Variants in CRMP1 observed in about 807,000 individuals in gnomAD.
The protein encoded by CRMP1 is dihydropyrimidinase-related protein 1.
A neutral mutation model predicts 68.3 loss-of-function variants in CRMP1; 19 were observed. The ratio of observed to expected loss-of-function variants is 0.28; its 90% CI spans 0.19 to 0.41. CRMP1 has a LOEUF of 0.41. Ranked by LOEUF, CRMP1 falls within the 10% of genes least tolerant of loss-of-function variation. The pLI, the probability that CRMP1 is intolerant of heterozygous loss-of-function variation, is 1.00. For synonymous variants in CRMP1, 439 were observed against 399.6 expected, an observed-to-expected ratio of 1.10 and a Z score of -1.18; for missense variants, 791 against 967.4, an observed-to-expected ratio of 0.82 and a Z score of 2.42.
chr4:5,838,044 C>T lies in CRMP1; in HGVS notation c.1311-1138G>A, dbSNP rs941864679. Among the ~76,000 whole-genome samples, 2 of 152,148 alleles carry T rather than the reference C, an allele frequency of 1.3e-5. No individual in the cohort carries two copies. The highest frequency in any genetic ancestry group is 1.5e-5 in the Non-Finnish European group (1 of 68,030). Reference sequence around the variant, plus strand: ...TCAACCAAAGCAGGTGGGGATGAGGCGTGCTGGGGACAGGCTGGAGATGCC... The same window carrying T: ...TCAACCAAAGCAGGTGGGGATGAGGTGTGCTGGGGACAGGCTGGAGATGCC... On this transcript the variant is annotated intron_variant, in intron 9 of 13. Coordinates refer to ENST00000324989, the MANE Select transcript of CRMP1 (RefSeq NM_001014809.3). The surrounding 1 kb of genome is among the most constrained non-coding windows in gnomAD (Gnocchi z 4.9).
intron 1 of CRMP1, among the ~76,000 whole-genome samples, chr4:5,885,480 C>T (rs1238630348): frequency 6.6e-6 from 1 of 152,200 alleles, no homozygotes; most frequent in African/African-American, 2.4e-5. Context: ...TCAGAAACAT[C>T]TCAACTGCCT....
rs1260967574 is a variant in CRMP1 at position 5,842,256 on chromosome 4, C to G, written c.1033-828G>C. ...CTGTCTCAAAAACAAACAAAACAAA[C>G]AAACAAAAAACACAAATTAGCCAGG... On this transcript the variant is annotated intron_variant, in intron 7 of 13. Coordinates refer to ENST00000324989, the MANE Select transcript of CRMP1 (RefSeq NM_001014809.3). This position sits in a 1 kb window ranked among gnomAD's most constrained non-coding sequence, Gnocchi z 4.5. Among the ~76,000 whole-genome samples the G allele has an allele frequency of 6.6e-6, 1 of 151,202 alleles. No individual in the cohort carries two copies. The highest frequency in any genetic ancestry group is 2.4e-5 in the African/African-American group (1 of 41,202).
intron 12 of CRMP1, chr4:5,826,359 G>C (rs766741363): frequency 5.2e-5 from 8 of 152,926 alleles, no homozygotes; most frequent in African/African-American, 1.4e-4. Flanking sequence ...AAAGGGGGAA[G>C]GAGTGGGGAG....
In CRMP1 at chr4:5,892,038, T is replaced by TC. The variant is rs961395030; in HGVS notation, c.381+550dup. On this transcript the variant is annotated intron_variant, in intron 1 of 13. Coordinates refer to ENST00000324989, the MANE Select transcript of CRMP1 (RefSeq NM_001014809.3). This position sits in a 1 kb window ranked among gnomAD's most constrained non-coding sequence, Gnocchi z 8.6. ...CGAACTAAATCCTTAACCAAATCCTTCCCCCCAGCAAGCATGAGGGGAGCG... is the reference window on the plus strand; with the variant it reads ...CGAACTAAATCCTTAACCAAATCCTTCCCCCCCAGCAAGCATGAGGGGAGCG... 6.6e-6 allele frequency among the ~76,000 whole-genome samples: 1 copy of TC among 151,394 alleles called. No homozygotes were observed. Among genetic ancestry groups the TC allele is most frequent in the Non-Finnish European group, 1.5e-5 (1 of 67,866 alleles).
rs372394118 is a variant in CRMP1, at chr4:5,860,626, A to T, written c.655+400T>A. Among the ~76,000 whole-genome samples, 1,486 of 103,100 alleles carry T rather than the reference A, an allele frequency of 0.014. 21 individuals carry two copies. The highest frequency in any genetic ancestry group is 0.045 in the African/African-American group (1,399 of 31,368). The allele number at this position is 103,100 out of a possible 152,430, so 67.6% of individuals were successfully genotyped here. A position where few individuals can be genotyped will look rare whatever the true frequency, so the allele number is the denominator to read the frequency against. On this transcript the variant is annotated intron_variant, in intron 3 of 13. Transcript: ENST00000324989. The surrounding 1 kb of genome is among the most constrained non-coding windows in gnomAD (Gnocchi z 4.2). Reference sequence around the variant, plus strand: ...CATAGCCATCTTCACATCATGTTGAAGGATTTTTTTTTTTTTTGCTTTATC... The same window carrying T: ...CATAGCCATCTTCACATCATGTTGATGGATTTTTTTTTTTTTTGCTTTATC...
Position 5,844,086 on chromosome 4 carries a change from AC to A in CRMP1, c.964-926del, listed in dbSNP as rs554128220. ...CCCGTCATGAACCCTGGGCCTCATCACCCATGAAAAGAAATCACAATCTCAA... is the reference window on the plus strand; with the variant it reads ...CCCGTCATGAACCCTGGGCCTCATCACCATGAAAAGAAATCACAATCTCAA... On this transcript the variant is annotated intron_variant, in intron 6 of 13. Transcript: ENST00000324989. Among the ~76,000 whole-genome samples, 343 of 152,222 alleles carry A rather than the reference AC, an allele frequency of 2.3e-3. 4 individuals are homozygous for A. Among genetic ancestry groups the A allele is most frequent in the African/African-American group, 7.8e-3 (325 of 41,528 alleles).
chr4:5,869,681 CAAA>C (rs33973891), intron 1 of CRMP1, among the ~76,000 whole-genome samples: 19 of 92,908 alleles, frequency 2.0e-4, no homozygotes, highest in Admixed American at 3.8e-4. Flanking sequence ...AAGACTCCGT[CAAA>C]AAAAAAAAAA....
chr4:5,825,279 C>G lies in CRMP1; in HGVS notation c.1969+215G>C. On this transcript the variant is annotated intron_variant, in intron 13 of 13. Transcript: ENST00000324989. The surrounding 1 kb of genome is among the most constrained non-coding windows in gnomAD (Gnocchi z 4.4). ...CTTTGTAAACCCACATCAGGTACCA[C>G]CATGTTGCCCCCCTAACATGGACCC... is the stretch of plus-strand genomic sequence containing the variant. 1 of 985,296 alleles carries G rather than the reference C, an allele frequency of 1.0e-6. No individual in the cohort carries two copies. The highest frequency in any genetic ancestry group is 1.2e-6 in the Non-Finnish European group (1 of 829,934). 61.0% of individuals were successfully genotyped at this position (985,296 alleles called of 1,614,324 possible).
In CRMP1 at chr4:5,850,952, T is replaced by C. The variant is rs1257245266; in HGVS notation, c.882+456A>G. On this transcript the variant is annotated intron_variant, in intron 5 of 13. Transcript: ENST00000324989. The surrounding 1 kb of genome is among the most constrained non-coding windows in gnomAD (Gnocchi z 4.4). ...GTTCCATCTTACAAATGTGAGGAGA[T>C]GACTTGCCCAGCATGTTGCAGTTGC... 1.3e-5 allele frequency among the ~76,000 whole-genome samples: 2 copies of C among 152,206 alleles called. No homozygotes were observed. The highest frequency in any genetic ancestry group is 2.1e-4 in the South Asian group (1 of 4,828).
chr4:5,843,601 A>G lies in CRMP1; in HGVS notation c.964-440T>C, dbSNP rs959177544. Reference sequence around the variant, plus strand: ...AAAGATCCCGAAACTGGGAGTCCAGATCCAGAACAGCCGTCTCTGTGACTT... The same window carrying G: ...AAAGATCCCGAAACTGGGAGTCCAGGTCCAGAACAGCCGTCTCTGTGACTT... On this transcript the variant is annotated intron_variant, in intron 6 of 13. Transcript: ENST00000324989. This position sits in a 1 kb window ranked among gnomAD's most constrained non-coding sequence, Gnocchi z 4.1. Among the ~76,000 whole-genome samples the G allele has an allele frequency of 6.6e-6, 1 of 152,130 alleles. No individual in the cohort carries two copies. Among genetic ancestry groups the G allele is most frequent in the Non-Finnish European group, 1.5e-5 (1 of 68,026 alleles).
At chr4:5,831,721 G>A (rs73206297) in intron 11 of CRMP1, among the ~76,000 whole-genome samples, 2,113 of 152,226 alleles carry the variant, frequency 0.014, 26 homozygotes, top group South Asian at 0.04. Flanking sequence ...GGAGGCCCTG[G>A]TCATATCACA....
At chr4:5,874,959 A>T (rs1714710763) in intron 1 of CRMP1, among the ~76,000 whole-genome samples, 1 of 152,226 alleles carries the variant, frequency 6.6e-6, no homozygotes, top group Admixed American at 6.5e-5. Flanking sequence ...GCTGGGCTGC[A>T]TTCCTGTCTC....
Position 5,821,701 on chromosome 4 carries a change from G to T in CRMP1, c.*59C>A. 1 of 1,489,870 alleles carries T rather than the reference G, an allele frequency of 6.7e-7. No individual in the cohort carries two copies. The allele number at this position is 1,489,870 out of a possible 1,614,324, so 92.3% of individuals were successfully genotyped here. On this transcript the variant is annotated 3_prime_UTR_variant, in exon 14 of 14. Coordinates refer to ENST00000324989, the MANE Select transcript of CRMP1 (RefSeq NM_001014809.3). This position sits in a 1 kb window ranked among gnomAD's most constrained non-coding sequence, Gnocchi z 4.4. ...CTGTGGGTTTCAAAAACACTGACAG[G>T]AAAAGGGATGGACATGATTCCCAGA...
In CRMP1 at chr4:5,892,467, C is replaced by G; in HGVS notation, c.381+122G>C. The G allele has an allele frequency of 9.9e-7, 1 of 1,011,380 alleles. No individual in the cohort carries two copies. Among genetic ancestry groups the G allele is most frequent in the Non-Finnish European group, 1.2e-6 (1 of 815,266 alleles). The allele number at this position is 1,011,380 out of a possible 1,614,324, so 62.7% of individuals were successfully genotyped here. A position where few individuals can be genotyped will look rare whatever the true frequency, so the allele number is the denominator to read the frequency against. ...GTGGGGGAGGGGCCGCGCCGTGGCTCTCCCCAGCCTGGCGGCCGCTGCCCC... is the reference window on the plus strand; with the variant it reads ...GTGGGGGAGGGGCCGCGCCGTGGCTGTCCCCAGCCTGGCGGCCGCTGCCCC... On this transcript the variant is annotated intron_variant, in intron 1 of 13. Transcript: ENST00000324989. This position sits in a 1 kb window ranked among gnomAD's most constrained non-coding sequence, Gnocchi z 8.6.
At position 5,877,737 on chromosome 4, in the gene CRMP1, T is replaced by C. The variant is rs548844288; in HGVS notation, c.382-10981A>G. Among the ~76,000 whole-genome samples, 41 of 152,170 alleles carry C rather than the reference T, an allele frequency of 2.7e-4. 1 individual carries two copies. The East Asian group carries it at 4.3e-3, about 16-fold the overall frequency. ...TCCCCATGGACTGCAGGACTTTTTT[T>C]CCCCCCGATATTATGCCTGTTTCCA... On this transcript the variant is annotated intron_variant, in intron 1 of 13. Transcript: ENST00000324989. The surrounding 1 kb of genome is among the most constrained non-coding windows in gnomAD (Gnocchi z 4.3).
rs1715938386 is a variant in CRMP1 at position 5,891,274 on chromosome 4, G to GAAA, written c.381+1314_381+1315insTTT. On this transcript the variant is annotated intron_variant, in intron 1 of 13. Transcript: ENST00000324989. The surrounding 1 kb of genome is among the most constrained non-coding windows in gnomAD (Gnocchi z 5.2). Reference sequence around the variant, plus strand: ...CTTCAGGACCACGGAGAGCTCTGGAGCAACAGCCCGCCCGCGAAGGGATGG... The same window carrying GAAA: ...CTTCAGGACCACGGAGAGCTCTGGAGAAACAACAGCCCGCCCGCGAAGGGATGG... Among the ~76,000 whole-genome samples the GAAA allele has an allele frequency of 8.8e-6, 1 of 113,710 alleles. No homozygotes were observed. Among genetic ancestry groups the GAAA allele is most frequent in the Admixed American group, 8.6e-5 (1 of 11,644 alleles). The allele number at this position is 113,710 out of a possible 152,430, so 74.6% of individuals were successfully genotyped here.
chr4:5,888,498 A>T lies in CRMP1; in HGVS notation c.381+4091T>A, dbSNP rs1204581635. On this transcript the variant is annotated intron_variant, in intron 1 of 13. Transcript: ENST00000324989. The surrounding 1 kb of genome is among the most constrained non-coding windows in gnomAD (Gnocchi z 6.4). The stretch of plus-strand genomic sequence containing the variant: ...CCGGATCGGCGAGGAGGGCGGGAGA[A>T]GGAGGAGGGAGAGGCGAGGGCGGGA... 1.7e-6 allele frequency: 2 copies of T among 1,196,398 alleles called. No homozygotes were observed. The highest frequency in any genetic ancestry group is 2.1e-6 in the Non-Finnish European group (2 of 965,568). The allele number at this position is 1,196,398 out of a possible 1,614,324, so 74.1% of individuals were successfully genotyped here.
intron 6 of CRMP1, among the ~76,000 whole-genome samples, chr4:5,845,857 A>C (rs996399399): frequency 6.6e-6 from 1 of 152,196 alleles, no homozygotes; most frequent in South Asian, 2.1e-4. Flanking sequence ...GAGGACATTG[A>C]GTCCTCACAG....
At chr4:5,830,967 T>G (rs368787774) in intron 11 of CRMP1, among the ~76,000 whole-genome samples, 19 of 152,216 alleles carry the variant, frequency 1.2e-4, no homozygotes, top group South Asian at 4.1e-4. Flanking sequence ...TGTTTGTTTG[T>G]TTGGTTGTTT....
Sources: allele counts gnomAD v4.1 joint callset (sites outside exome capture counted in the v4.1 genomes callset), GRCh38; gene constraint gnomAD v4.1.1; non-coding constraint Gnocchi (gnomAD v3.1); transcripts MANE v1.5; gene names NCBI Gene and HGNC (gene_info 2026-07-23, HGNC 2026-07-21).